Variants in HFM1 observed in about 807,000 individuals in gnomAD.
The protein encoded by HFM1 is helicase for meiosis 1, also known as probable ATP-dependent DNA helicase HFM1.
In HFM1, 169 loss-of-function variants were observed where a neutral mutation model predicts 192.1. The ratio of observed to expected loss-of-function variants is 0.88; its 90% CI spans 0.78 to 1.00. HFM1 has a LOEUF of 1.00. Ranked by LOEUF, HFM1 falls within the 50% of genes least tolerant of loss-of-function variation. The probability of loss-of-function intolerance (pLI) is 0.00; values close to 1 mark genes in which losing one functional copy is unlikely to be tolerated. For synonymous variants in HFM1, 525 were observed against 537.8 expected, an observed-to-expected ratio of 0.98 and a Z score of 0.33; for missense variants, 1,661 against 1,668.0, an observed-to-expected ratio of 1.00 and a Z score of 0.07.
intron 34 of HFM1, among the ~76,000 whole-genome samples, chr1:91,272,434 C>A (rs1160668442): frequency 6.6e-6 from 1 of 151,718 alleles, no homozygotes; most frequent in Non-Finnish European, 1.5e-5. Context: ...GTTAAAGTAT[C>A]TAGATGAGAC....
chr1:91,344,079 A>G (rs1185594140), intron 19 of HFM1, among the ~76,000 whole-genome samples: 1 of 152,192 alleles, frequency 6.6e-6, no homozygotes, highest in Non-Finnish European at 1.5e-5. Context: ...TCTTGAAGCA[A>G]AAACTTAAAA....
chr1:91,384,346 T>C, intron 6 of HFM1, among the ~76,000 whole-genome samples: 1 of 152,158 alleles, frequency 6.6e-6, no homozygotes, highest in Non-Finnish European at 1.5e-5. Flanking sequence ...TGCACTATCA[T>C]AGGCATACAC....
At chr1:91,280,887 CA>C (rs1238094162) in intron 30 of HFM1, among the ~76,000 whole-genome samples, 6 of 152,282 alleles carry the variant, frequency 3.9e-5, no homozygotes, top group Non-Finnish European at 8.8e-5. Context: ...CCTTACCAGC[CA>C]AATCTACAGA....
At chr1:91,362,175 T>C (rs564824091) in intron 13 of HFM1, among the ~76,000 whole-genome samples, 5 of 152,136 alleles carry the variant, frequency 3.3e-5, no homozygotes, top group African/African-American at 9.6e-5. Context: ...TTCAACACAG[T>C]TTTGGAAGTT....
intron 30 of HFM1, among the ~76,000 whole-genome samples, chr1:91,277,713 TTATATAATATATACTAATA>T (rs1221208948): frequency 2.1e-5 from 1 of 48,406 alleles, no homozygotes; most frequent in Admixed American, 3.0e-4. Context: ...TATATATACT[TTATATAATATATACTAATA>T]TATATAATAT....
At chr1:91,292,905 T>TA (rs1479984556) in intron 30 of HFM1, among the ~76,000 whole-genome samples, 3 of 152,216 alleles carry the variant, frequency 2.0e-5, no homozygotes, top group African/African-American at 7.2e-5. Flanking sequence ...GCCACATATC[T>TA]ACAACTATCT....
At chr1:91,402,482 C>T (rs1664412518) in intron 1 of HFM1, among the ~76,000 whole-genome samples, 1 of 152,010 alleles carries the variant, frequency 6.6e-6, no homozygotes, top group African/African-American at 2.4e-5. Flanking sequence ...ATGAAACAAA[C>T]TAGTGTGGTT....
intron 13 of HFM1, among the ~76,000 whole-genome samples, chr1:91,372,033 A>G (rs1367536583): frequency 2.6e-5 from 4 of 152,230 alleles, no homozygotes; most frequent in African/African-American, 9.6e-5. Flanking sequence ...CAAAACCACA[A>G]TGAGATACCA....
At chr1:91,375,291 T>C in intron 13 of HFM1, 67 bp downstream of exon 13, 1 of 1,121,430 alleles carries the variant, frequency 8.9e-7, no homozygotes, top group Non-Finnish European at 1.3e-6. Context: ...ACAAGCCTAA[T>C]TTTCTCATGT....
intron 13 of HFM1, among the ~76,000 whole-genome samples, chr1:91,361,232 C>G (rs931091033): frequency 6.7e-6 from 1 of 148,540 alleles, no homozygotes; most frequent in African/African-American, 2.5e-5. Context: ...ATGAAAAAAC[C>G]CTTCAAAAAA....
chr1:91,347,043 AG>A (rs1376809860), intron 19 of HFM1, among the ~76,000 whole-genome samples: 1 of 152,160 alleles, frequency 6.6e-6, no homozygotes, highest in Non-Finnish European at 1.5e-5. Context: ...CAGGAGTTCA[AG>A]GTTACAATGA....
intron 20 of HFM1, chr1:91,329,283 G>A: frequency 6.2e-7 from 1 of 1,609,432 alleles, no homozygotes; most frequent in Admixed American, 1.7e-5. Flanking sequence ...CGAGCCAAAT[G>A]AAGAAGAGCT....
Position 91,261,226 on chromosome 1 carries a change from A to G in HFM1, c.*64T>C. ...TATGAACTACTTTTTAAAAATAAAAAGCATGCTTTGTGATTAGGTGTCTTT... is the reference window on the plus strand; with the variant it reads ...TATGAACTACTTTTTAAAAATAAAAGGCATGCTTTGTGATTAGGTGTCTTT... On this transcript the variant is annotated 3_prime_UTR_variant, in exon 39 of 39. Transcript: ENST00000370425. The G allele has an allele frequency of 1.5e-6, 1 of 669,812 alleles. No individual in the cohort carries two copies. Among genetic ancestry groups the G allele is most frequent in the Middle Eastern group, 3.4e-4 (1 of 2,972 alleles). 41.5% of individuals were successfully genotyped at this position (669,812 alleles called of 1,614,324 possible).
In HFM1 at chr1:91,324,774, A is replaced by G; in HGVS notation, c.2336-8T>C. On this transcript the variant is annotated splice_region_variant and splice_polypyrimidine_tract_variant and intron_variant, in intron 20 of 38. Coordinates refer to ENST00000370425, the MANE Select transcript of HFM1 (RefSeq NM_001017975.6). Reference sequence around the variant, plus strand: ...CCATCAATCTTCCTGCTTCTGTAAGAAAAGACAGAAAAATGAACGGTCCCC... The same window carrying G: ...CCATCAATCTTCCTGCTTCTGTAAGGAAAGACAGAAAAATGAACGGTCCCC... 6.9e-7 allele frequency: 1 copy of G among 1,448,478 alleles called. No homozygotes were observed. The highest frequency in any genetic ancestry group is 9.7e-7 in the Non-Finnish European group (1 of 1,030,610). The allele number at this position is 1,448,478 out of a possible 1,614,324, so 89.7% of individuals were successfully genotyped here. A position where few individuals can be genotyped will look rare whatever the true frequency, so the allele number is the denominator to read the frequency against.
chr1:91,285,286 G>A (rs1346595049), intron 30 of HFM1, among the ~76,000 whole-genome samples: 2 of 152,042 alleles, frequency 1.3e-5, no homozygotes, highest in African/African-American at 4.8e-5. Flanking sequence ...ATTCCCTAAG[G>A]TGCATGTTTT....
intron 34 of HFM1, among the ~76,000 whole-genome samples, chr1:91,272,806 C>T (rs562315850): frequency 7.9e-5 from 12 of 151,888 alleles, no homozygotes; most frequent in African/African-American, 2.7e-4. Flanking sequence ...TACTCCAGCC[C>T]TTGACTCTGT....
chr1:91,392,435 T>C (rs1473027675), intron 4 of HFM1, among the ~76,000 whole-genome samples: 1 of 152,242 alleles, frequency 6.6e-6, no homozygotes, highest in Non-Finnish European at 1.5e-5. Context: ...GATGAGTTCA[T>C]GTCCTTTGCA....
chr1:91,290,157 A>T (rs1668569804), intron 30 of HFM1, among the ~76,000 whole-genome samples: 1 of 152,176 alleles, frequency 6.6e-6, no homozygotes, highest in Non-Finnish European at 1.5e-5. Flanking sequence ...AAGCAAAATA[A>T]CCAGCTAACA....
intron 13 of HFM1, among the ~76,000 whole-genome samples, chr1:91,366,776 A>C (rs1195158918): frequency 6.6e-6 from 1 of 152,210 alleles, no homozygotes; most frequent in Non-Finnish European, 1.5e-5. Context: ...TAGCGGGTGC[A>C]GTGCACCGAG....
Sources: allele counts gnomAD v4.1 joint callset (sites outside exome capture counted in the v4.1 genomes callset), GRCh38; gene constraint gnomAD v4.1.1; transcripts MANE v1.5; gene names NCBI Gene and HGNC (gene_info 2026-07-23, HGNC 2026-07-21).